The following OTUD7A variants were observed in gnomAD, a reference collection of about 807,000 sequenced individuals.
The protein encoded by OTUD7A is OTU domain-containing protein 7A.
In OTUD7A, 12 loss-of-function variants were observed where a neutral mutation model predicts 65.7. The ratio of observed to expected loss-of-function variants is 0.18; its 90% CI spans 0.12 to 0.30. The LOEUF is 0.30. OTUD7A is among the 10% of genes least tolerant of loss of function. The probability of loss-of-function intolerance (pLI) is 1.00; values close to 1 mark genes in which losing one functional copy is unlikely to be tolerated. For missense variants in OTUD7A, 1,148 were observed against 1,304.8 expected, an observed-to-expected ratio of 0.88 and a Z score of 1.85; for synonymous variants, 641 against 586.3, an observed-to-expected ratio of 1.09 and a Z score of -1.35.
intron 1 of OTUD7A, among the ~76,000 whole-genome samples, chr15:31,840,802 A>G (rs1204757789): frequency 6.6e-6 from 1 of 152,232 alleles, no homozygotes; most frequent in East Asian, 1.9e-4. Context: ...GTTTCCTAAA[A>G]TAACTTTATA....
chr15:31,489,999 G>A (rs759567954), intron 10 of OTUD7A, among the ~76,000 whole-genome samples: 23 of 152,224 alleles, frequency 1.5e-4, no homozygotes, highest in Non-Finnish European at 2.9e-4. Flanking sequence ...TGAAGACACC[G>A]AGGGGCTCAA....
chr15:31,667,230 A>T (rs942389972), intron 1 of OTUD7A, among the ~76,000 whole-genome samples: 49 of 134,220 alleles, frequency 3.7e-4, no homozygotes, highest in African/African-American at 1.5e-3. Flanking sequence ...GGAGTACTGA[A>T]GTCCCCCATA....
intron 3 of OTUD7A, among the ~76,000 whole-genome samples, chr15:31,610,605 A>ATTTTTTTTT (rs1472216504): frequency 1.0e-4 from 4 of 38,654 alleles, no homozygotes; most frequent in Non-Finnish European, 1.9e-4. Context: ...ATATATATAT[A>ATTTTTTTTT]TATATATATA....
At chr15:31,627,055 A>G (rs1890980382) in intron 3 of OTUD7A, among the ~76,000 whole-genome samples, 1 of 151,838 alleles carries the variant, frequency 6.6e-6, no homozygotes, top group Non-Finnish European at 1.5e-5. Context: ...TCAGGCTGGT[A>G]GTTGCTGAAG....
chr15:31,718,247 T>A (rs1893644903), intron 1 of OTUD7A, among the ~76,000 whole-genome samples: 1 of 152,236 alleles, frequency 6.6e-6, no homozygotes, highest in African/African-American at 2.4e-5. Context: ...AGATATACTC[T>A]TTGTAAATAT....
At chr15:31,628,450 A>G (rs1323662364) in intron 3 of OTUD7A, among the ~76,000 whole-genome samples, 1 of 152,110 alleles carries the variant, frequency 6.6e-6, no homozygotes, top group Non-Finnish European at 1.5e-5. Context: ...CCATTGATCT[A>G]TATCTCTGTT....
At chr15:31,642,773 T>A (rs1307613639) in intron 3 of OTUD7A, among the ~76,000 whole-genome samples, 1 of 152,102 alleles carries the variant, frequency 6.6e-6, no homozygotes, top group Non-Finnish European at 1.5e-5. Flanking sequence ...TTGTATCTTC[T>A]TTTTCCTCTG....
chr15:31,603,703 T>C (rs1314592506), intron 3 of OTUD7A, among the ~76,000 whole-genome samples: 2 of 152,068 alleles, frequency 1.3e-5, no homozygotes, highest in Non-Finnish European at 2.9e-5. Context: ...CATCTAACAA[T>C]GGGCTAATAT....
rs185493828 is a variant in OTUD7A at position 31,622,652 on chromosome 15, G to C, written c.151+32444C>G. ...GGACTTCTCTGCATTGGTTATTCTAGCTAGCCATTCGTCTAATCTTTTTTC... is the reference window on the plus strand; with the variant it reads ...GGACTTCTCTGCATTGGTTATTCTACCTAGCCATTCGTCTAATCTTTTTTC... On this transcript the variant is annotated intron_variant, in intron 3 of 12. Coordinates refer to ENST00000307050, the MANE Select transcript of OTUD7A (RefSeq NM_001382637.1). Among the ~76,000 whole-genome samples, 1,146 of 152,236 alleles carry C rather than the reference G, an allele frequency of 7.5e-3. 9 individuals carry two copies. The highest frequency in any genetic ancestry group is 0.012 in the Non-Finnish European group (785 of 68,032).
chr15:31,487,529 C>T lies in OTUD7A; in HGVS notation c.1209G>A (p.Leu403=). Reference sequence around the variant, plus strand: ...CAGGGTCCACTGCAAAGTGCAGAGGCAGCAGCTTGTGCTCAGAATCCGTCA... The same window carrying T: ...CAGGGTCCACTGCAAAGTGCAGAGGTAGCAGCTTGTGCTCAGAATCCGTCA... ...IPLTDSEHKL[L]PLHFAVDPGK... The change falls in exon 11 of 13, where the codon CTG becomes CTA. Residue 403 remains leucine (L), a synonymous_variant. Transcript: ENST00000307050. The surrounding 1 kb of genome is among the most constrained non-coding windows in gnomAD (Gnocchi z 6.0). 1 of 1,614,078 alleles carries T rather than the reference C, an allele frequency of 6.2e-7. No homozygotes were observed. The highest frequency in any genetic ancestry group is 1.1e-5 in the South Asian group (1 of 91,082).
chr15:31,487,488 C>G lies in OTUD7A; in HGVS notation c.1250G>C (p.Trp417Ser), dbSNP rs1486909327. 1 of 1,614,116 alleles carries G rather than the reference C, an allele frequency of 6.2e-7. No homozygotes were observed. Among genetic ancestry groups the G allele is most frequent in the South Asian group, 1.1e-5 (1 of 91,082 alleles). ...GGCGTTATCGTTGTCGTCTTTCCCCCACTCCCAGTCCTTGCCAGGGTCCAC... is the reference window on the plus strand; with the variant it reads ...GGCGTTATCGTTGTCGTCTTTCCCCGACTCCCAGTCCTTGCCAGGGTCCAC... Reference protein sequence around the residue: ...FAVDPGKDWEWGKDDNDNARL... With the variant: ...FAVDPGKDWESGKDDNDNARL... The change falls in exon 11 of 13, where the codon TGG becomes TCG. Residue 417 changes from tryptophan to serine, a missense_variant. By Grantham distance (177) the Trp-to-Ser change is radical (BLOSUM62 -3). This residue lies in a region of OTUD7A where 842 missense variants were observed against 769.5 expected (regional missense o/e 1.09). Transcript: ENST00000307050. The surrounding 1 kb of genome is among the most constrained non-coding windows in gnomAD (Gnocchi z 6.0).
At chr15:31,503,589 G>A (rs776539694) in intron 9 of OTUD7A, 102 bp downstream of exon 9, 72 of 1,453,084 alleles carry the variant, frequency 5.0e-5, no homozygotes, top group Non-Finnish European at 6.7e-5. Context: ...GTGATGCTTT[G>A]TGGCCTCTGG....
At chr15:31,523,479 C>T (rs796374384) in intron 8 of OTUD7A, among the ~76,000 whole-genome samples, 9 of 152,326 alleles carry the variant, frequency 5.9e-5, no homozygotes, top group African/African-American at 2.2e-4. Context: ...ACTGACTACT[C>T]GTGTCCACCC....
chr15:31,736,636 G>T (rs1283794223), intron 1 of OTUD7A, among the ~76,000 whole-genome samples: 1 of 152,150 alleles, frequency 6.6e-6, no homozygotes, highest in Non-Finnish European at 1.5e-5. Context: ...CCCCAGGGAA[G>T]AGTAGTTTAT....
chr15:31,818,167 T>C (rs1315883946), intron 1 of OTUD7A, among the ~76,000 whole-genome samples: 1 of 152,200 alleles, frequency 6.6e-6, no homozygotes, highest in Non-Finnish European at 1.5e-5. Flanking sequence ...ACTCCCAAAC[T>C]GTGAGAAATA....
chr15:31,749,032 G>A (rs1008501173), intron 1 of OTUD7A, among the ~76,000 whole-genome samples: 1 of 149,588 alleles, frequency 6.7e-6, no homozygotes, highest in East Asian at 2.0e-4. Flanking sequence ...GCAAACTATC[G>A]CAAGGACAAA....
intron 1 of OTUD7A, among the ~76,000 whole-genome samples, chr15:31,697,936 C>T (rs534796315): frequency 1.3e-5 from 2 of 152,306 alleles, no homozygotes; most frequent in East Asian, 3.9e-4. Flanking sequence ...AGAGGCATCT[C>T]CGCCATCTAA....
chr15:31,530,898 G>A, intron 5 of OTUD7A, 90 bp from the exon 6 acceptor site: 2 of 941,696 alleles, frequency 2.1e-6, no homozygotes, highest in Non-Finnish European at 3.2e-6. Context: ...ATCAGGGACA[G>A]ATTTTCTACA....
At chr15:31,686,913 T>C (rs1419334926) in intron 1 of OTUD7A, among the ~76,000 whole-genome samples, 1 of 152,184 alleles carries the variant, frequency 6.6e-6, no homozygotes, top group Non-Finnish European at 1.5e-5. Flanking sequence ...AGAGGAAGTA[T>C]TTTTAAGATA....
Sources: allele counts gnomAD v4.1 joint callset (sites outside exome capture counted in the v4.1 genomes callset), GRCh38; gene constraint gnomAD v4.1.1; regional missense constraint gnomAD v4.1.1; non-coding constraint Gnocchi (gnomAD v3.1); transcripts MANE v1.5; gene names NCBI Gene and HGNC (gene_info 2026-07-23, HGNC 2026-07-21).